Variants in HMBOX1 observed in about 807,000 individuals in gnomAD.
HMBOX1 encodes the protein homeobox containing 1, also known as homeobox-containing protein 1.
In HMBOX1, 14 loss-of-function variants were observed where a neutral mutation model predicts 54.5. That is an observed-to-expected ratio of 0.26 (90% confidence interval 0.17 to 0.40). The LOEUF is 0.40. Among genes scored for constraint, HMBOX1 ranks in the 10% least tolerant of loss-of-function variants. HMBOX1 has a pLI of 1.00. For synonymous variants in HMBOX1, 160 were observed against 181.0 expected, an observed-to-expected ratio of 0.88 and a Z score of 0.93; for missense variants, 332 against 514.4, an observed-to-expected ratio of 0.65 and a Z score of 3.43.
Position 28,940,021 on chromosome 8 carries a change from T to C in HMBOX1, c.-57-23790T>C, listed in dbSNP as rs114923796. ...AGCTTTATCTTTTAAAAAAAAATTG[T>C]TTTAGATTTTTTTTGTATTTTTTTT... On this transcript the variant is annotated intron_variant, in intron 1 of 9. Transcript: ENST00000287701. 8.1e-3 allele frequency among the ~76,000 whole-genome samples: 1,239 copies of C among 152,222 alleles called. 16 individuals are homozygous for C. Among genetic ancestry groups the C allele is most frequent in the African/African-American group, 0.029 (1,198 of 41,528 alleles).
intron 4 of HMBOX1, among the ~76,000 whole-genome samples, chr8:28,987,941 C>A (rs907148532): frequency 6.6e-6 from 1 of 152,092 alleles, no homozygotes. Flanking sequence ...GTTTTTATCA[C>A]CTTTATTAAG....
At chr8:28,940,427 C>G (rs1441606735) in intron 1 of HMBOX1, among the ~76,000 whole-genome samples, 1 of 152,204 alleles carries the variant, frequency 6.6e-6, no homozygotes. Flanking sequence ...TCATAGCACT[C>G]AATACCCCAT....
intron 1 of HMBOX1, among the ~76,000 whole-genome samples, chr8:28,955,581 A>G (rs182015743): frequency 7.2e-5 from 11 of 152,306 alleles, no homozygotes; most frequent in African/African-American, 2.6e-4. Context: ...CTTTTTAATG[A>G]TTGGATTTGT....
chr8:29,045,164 A>G (rs1805389449), intron 6 of HMBOX1, among the ~76,000 whole-genome samples, 197 bp from the exon 7 acceptor site: 1 of 152,260 alleles, frequency 6.6e-6, no homozygotes, highest in East Asian at 1.9e-4. Context: ...TCAAGTGCTC[A>G]GTAGCCATTT....
intron 1 of HMBOX1, among the ~76,000 whole-genome samples, chr8:28,932,260 A>G (rs1040284669): frequency 2.0e-5 from 3 of 152,262 alleles, no homozygotes; most frequent in Non-Finnish European, 4.4e-5. Context: ...ATAAGGCAGT[A>G]TAGATCATGA....
At chr8:28,934,650 G>A (rs1820066480) in intron 1 of HMBOX1, among the ~76,000 whole-genome samples, 1 of 152,188 alleles carries the variant, frequency 6.6e-6, no homozygotes, top group Admixed American at 6.5e-5. Context: ...AATTGGCCGG[G>A]CGCGGTGGCT....
At chr8:28,935,401 A>G (rs1035595113) in intron 1 of HMBOX1, among the ~76,000 whole-genome samples, 5 of 152,322 alleles carry the variant, frequency 3.3e-5, no homozygotes, top group Non-Finnish European at 5.9e-5. Flanking sequence ...GACTGGAAAG[A>G]CTTTTGTTTA....
intron 2 of HMBOX1, among the ~76,000 whole-genome samples, chr8:28,966,258 T>G (rs1436439672): frequency 2.6e-5 from 4 of 152,186 alleles, no homozygotes. Context: ...ATTATTATGG[T>G]CTTATGGTAT....
intron 8 of HMBOX1, 88 bp downstream of exon 8, chr8:29,047,541 A>AAGTCT (rs1395403343): frequency 1.4e-6 from 1 of 704,644 alleles, no homozygotes; most frequent in Non-Finnish European, 2.5e-6. Context: ...TAGAAACTGC[A>AAGTCT]AGTCTAAAGG....
chr8:28,976,967 C>T (rs1438106964), intron 3 of HMBOX1, among the ~76,000 whole-genome samples: 1 of 152,100 alleles, frequency 6.6e-6, no homozygotes, highest in African/African-American at 2.4e-5. Flanking sequence ...CCTCAGCCTC[C>T]CAAAGTCCTG....
intron 7 of HMBOX1, among the ~76,000 whole-genome samples, chr8:29,046,580 TC>T (rs2133368698): frequency 6.6e-6 from 1 of 152,348 alleles, no homozygotes; most frequent in East Asian, 1.9e-4. Context: ...CCTTCAGCCT[TC>T]AAGAAAACAT....
intron 4 of HMBOX1, among the ~76,000 whole-genome samples, chr8:28,984,521 A>T (rs2132523150): frequency 6.6e-6 from 1 of 152,332 alleles, no homozygotes; most frequent in Middle Eastern, 3.4e-3. Context: ...TACTGATAGG[A>T]AAAATGACAG....
At chr8:28,940,008 T>A (rs1028387144) in intron 1 of HMBOX1, among the ~76,000 whole-genome samples, 3 of 151,666 alleles carry the variant, frequency 2.0e-5, no homozygotes, top group Admixed American at 1.3e-4. Context: ...CTTTATCTTT[T>A]AAAAAAAAAT....
intron 4 of HMBOX1, among the ~76,000 whole-genome samples, chr8:28,980,796 T>TAGA (rs1164423051): frequency 2.6e-5 from 4 of 152,160 alleles, no homozygotes; most frequent in Middle Eastern, 3.2e-3. Flanking sequence ...CTTCCTTTCT[T>TAGA]AGATTTCAGT....
At chr8:29,018,459 A>G (rs949777641) in intron 5 of HMBOX1, among the ~76,000 whole-genome samples, 1 of 152,178 alleles carries the variant, frequency 6.6e-6, no homozygotes, top group African/African-American at 2.4e-5. Flanking sequence ...TTCACTCTTT[A>G]AAAAAGAAAA....
chr8:28,894,077 T>C (rs1811568974), intron 1 of HMBOX1, among the ~76,000 whole-genome samples: 1 of 152,250 alleles, frequency 6.6e-6, no homozygotes, highest in South Asian at 2.1e-4. Flanking sequence ...TTTTGTTTGT[T>C]TTGTGAACCA....
rs372568283 is a variant in HMBOX1 at position 28,966,052 on chromosome 8, G to C, written c.23+2162G>C. Reference sequence around the variant, plus strand: ...TGTTATCCAATAAAATTTTACTGTTGGTGCTTTACAAGTAAGATAGTAATG... The same window carrying C: ...TGTTATCCAATAAAATTTTACTGTTCGTGCTTTACAAGTAAGATAGTAATG... On this transcript the variant is annotated intron_variant, in intron 2 of 9. Transcript: ENST00000287701. 1.4e-3 allele frequency among the ~76,000 whole-genome samples: 210 copies of C among 151,948 alleles called. 1 individual carries two copies. The highest frequency in any genetic ancestry group is 4.8e-3 in the African/African-American group (200 of 41,458).
intron 1 of HMBOX1, chr8:28,949,737 T>C (rs757261257): frequency 2.0e-5 from 3 of 152,254 alleles, no homozygotes; most frequent in Non-Finnish European, 4.4e-5. Flanking sequence ...CCTGCTCTTA[T>C]GCTCACATTC....
chr8:29,050,352 G>C (rs1806256211), intron 9 of HMBOX1: 1 of 386,314 alleles, frequency 2.6e-6, no homozygotes, highest in Non-Finnish European at 3.5e-6. Flanking sequence ...AACACATTGA[G>C]CTGCGCGGGG....
Sources: gnomAD v4.1 joint callset for allele counts (sites outside exome capture counted in the v4.1 genomes callset) on GRCh38, gnomAD v4.1.1 for gene constraint, MANE v1.5 for transcripts, NCBI Gene and HGNC (gene_info 2026-07-23, HGNC 2026-07-21) for gene names.